The following ERBB4 variants were observed in gnomAD, a reference collection of about 807,000 sequenced individuals.
ERBB4 encodes the protein receptor tyrosine-protein kinase erbB-4.
In ERBB4, 42 loss-of-function variants were observed where a neutral mutation model predicts 158.0. That is an observed-to-expected ratio of 0.27 (90% CI 0.21 to 0.34). The LOEUF is 0.34. Ranked by LOEUF, ERBB4 falls within the 10% of genes least tolerant of loss-of-function variation. ERBB4 has a pLI of 1.00. For missense variants in ERBB4, 1,333 were observed against 1,624.1 expected (o/e 0.82, Z 3.08); for synonymous variants, 583 against 558.7 (o/e 1.04, Z -0.61).
At chr2:211,598,445 A>T (rs549050015) in intron 19 of ERBB4, among the ~76,000 whole-genome samples, 2 of 152,204 alleles carry the variant, frequency 1.3e-5, no homozygotes, top group Non-Finnish European at 2.9e-5. Flanking sequence ...ATTCATTACA[A>T]TAAGAACATG....
intron 3 of ERBB4, among the ~76,000 whole-genome samples, chr2:211,870,871 T>G (rs2078326613): frequency 6.6e-6 from 1 of 152,098 alleles, no homozygotes; most frequent in Non-Finnish European, 1.5e-5. Flanking sequence ...GATTTCTCAT[T>G]TTCAGTATAA....
chr2:211,874,599 T>A (rs1390754254), intron 3 of ERBB4, among the ~76,000 whole-genome samples: 1 of 152,144 alleles, frequency 6.6e-6, no homozygotes, highest in Non-Finnish European at 1.5e-5. Flanking sequence ...ATCTGCAAAA[T>A]CCCTTCAGGG....
intron 3 of ERBB4, among the ~76,000 whole-genome samples, chr2:211,946,049 A>T (rs931677053): frequency 2.6e-5 from 4 of 151,458 alleles, no homozygotes; most frequent in Non-Finnish European, 5.9e-5. Flanking sequence ...TCCTATCATT[A>T]TTTCTATATA....
At chr2:211,867,581 T>G (rs2078241523) in intron 3 of ERBB4, among the ~76,000 whole-genome samples, 1 of 152,192 alleles carries the variant, frequency 6.6e-6, no homozygotes, top group Admixed American at 6.5e-5. Context: ...TGAATGTGTA[T>G]ACTCTTATAA....
chr2:212,446,591 G>GTATCTA (rs1303302858), intron 1 of ERBB4, among the ~76,000 whole-genome samples: 2 of 27,518 alleles, frequency 7.3e-5, no homozygotes, highest in Admixed American at 1.2e-3. Flanking sequence ...ATATATATAT[G>GTATCTA]TATATATATA....
chr2:212,371,148 T>G (rs574827665), intron 1 of ERBB4, among the ~76,000 whole-genome samples: 7 of 152,330 alleles, frequency 4.6e-5, no homozygotes, highest in African/African-American at 1.4e-4. Flanking sequence ...CAAGGTGTTC[T>G]TGGTTTTTCC....
chr2:211,977,548 A>AAAAAAAAAAAAG (rs2081647159), intron 2 of ERBB4, among the ~76,000 whole-genome samples: 1 of 148,184 alleles, frequency 6.7e-6, no homozygotes, highest in Non-Finnish European at 1.5e-5. Context: ...AAAAAAAAAA[A>AAAAAAAAAAAAG]GTAACTTGGC....
chr2:211,671,819 TC>T (rs1462413693), intron 14 of ERBB4, among the ~76,000 whole-genome samples: 2 of 152,180 alleles, frequency 1.3e-5, no homozygotes, highest in African/African-American at 4.8e-5. Context: ...GAAATGCACT[TC>T]CCTGTGTTTC....
intron 2 of ERBB4, among the ~76,000 whole-genome samples, chr2:211,981,172 G>A (rs959880830): frequency 6.6e-6 from 1 of 152,096 alleles, no homozygotes; most frequent in South Asian, 2.1e-4. Flanking sequence ...GAGAGAGGAC[G>A]CTGTTGTCTA....
At chr2:211,834,601 T>C (rs1316951844) in intron 3 of ERBB4, among the ~76,000 whole-genome samples, 3 of 152,008 alleles carry the variant, frequency 2.0e-5, no homozygotes, top group Non-Finnish European at 2.9e-5. Flanking sequence ...ATAAACTAGG[T>C]AGAAATCAAG....
At chr2:211,720,027 G>A (rs1019656014) in intron 7 of ERBB4, among the ~76,000 whole-genome samples, 4 of 152,230 alleles carry the variant, frequency 2.6e-5, no homozygotes, top group Admixed American at 6.5e-5. Flanking sequence ...TGAGTAGAAC[G>A]GTTGTCAAGG....
intron 25 of ERBB4, among the ~76,000 whole-genome samples, chr2:211,389,229 G>T (rs941539036): frequency 6.6e-6 from 1 of 152,106 alleles, no homozygotes. Flanking sequence ...TAGAGACGGG[G>T]TTTCACCATG....
intron 20 of ERBB4, among the ~76,000 whole-genome samples, chr2:211,516,167 C>T (rs1014499639): frequency 2.0e-5 from 3 of 151,164 alleles, no homozygotes; most frequent in South Asian, 2.1e-4. Context: ...CCGCCCGCCT[C>T]GGCCTCCCAA....
chr2:211,725,040 G>A (rs2106130655), intron 6 of ERBB4, 36 bp downstream of exon 6: 1 of 1,366,436 alleles, frequency 7.3e-7, no homozygotes, highest in South Asian at 1.2e-5. Context: ...AAGGAAAGGA[G>A]AGCAGGATAA....
At chr2:211,797,322 A>G (rs996605821) in intron 3 of ERBB4, among the ~76,000 whole-genome samples, 1 of 151,924 alleles carries the variant, frequency 6.6e-6, no homozygotes, top group African/African-American at 2.4e-5. Flanking sequence ...AGGATTTAAT[A>G]CAATAAGCCT....
intron 1 of ERBB4, among the ~76,000 whole-genome samples, chr2:212,178,917 CTT>C (rs1473805358): frequency 6.6e-6 from 1 of 151,586 alleles, no homozygotes; most frequent in Non-Finnish European, 1.5e-5. Flanking sequence ...CCATAGAAAA[CTT>C]ACTGTAAGAG....
intron 1 of ERBB4, among the ~76,000 whole-genome samples, chr2:212,215,698 C>A (rs2083076990): frequency 6.6e-6 from 1 of 150,970 alleles, no homozygotes; most frequent in Admixed American, 6.6e-5. Flanking sequence ...CAATACTTTG[C>A]TAAAAAAAAA....
intron 25 of ERBB4, among the ~76,000 whole-genome samples, chr2:211,409,012 A>G (rs2063201415): frequency 6.6e-6 from 1 of 152,220 alleles, no homozygotes; most frequent in African/African-American, 2.4e-5. Flanking sequence ...AAAACGAAAA[A>G]GGCTTCATAA....
chr2:211,566,919 TAGA>T (rs946480407), intron 19 of ERBB4, among the ~76,000 whole-genome samples: 5 of 152,328 alleles, frequency 3.3e-5, no homozygotes, highest in East Asian at 1.9e-4. Flanking sequence ...TACTCAGGTT[TAGA>T]AGAAGATCTT....
Sources: gnomAD v4.1 joint callset for allele counts (sites outside exome capture counted in the v4.1 genomes callset) on GRCh38, gnomAD v4.1.1 for gene constraint, MANE v1.5 for transcripts, NCBI Gene and HGNC (gene_info 2026-07-23, HGNC 2026-07-21) for gene names.